Variants in VSTM2B observed in about 807,000 individuals in gnomAD.
VSTM2B encodes V-set and transmembrane domain-containing protein 2B.
A neutral mutation model predicts 24.0 loss-of-function variants in VSTM2B; 24 were observed. The observed-to-expected ratio is 1.00, with a 90% CI of 0.72 to 1.40. VSTM2B has a LOEUF of 1.40. VSTM2B is among the 40% of genes most tolerant of loss of function. The pLI is 0.00. For synonymous variants in VSTM2B, 226 were observed against 194.4 expected (o/e 1.16, Z -1.35); for missense variants, 399 against 416.4 (o/e 0.96, Z 0.36).
rs1049882593 is a variant in VSTM2B at position 29,530,002 on chromosome 19, G to A, written c.481G>A (p.Glu161Lys). 1.2e-5 allele frequency: 19 copies of A among 1,541,070 alleles called. No homozygotes were observed. The highest frequency in any genetic ancestry group is 3.9e-5 in the Admixed American group (2 of 50,930). Reference protein sequence around the residue: ...RFAPPNMQAAEAVSHIQSSGP... With the variant: ...RFAPPNMQAAKAVSHIQSSGP... ...CGCGCCGCCCAACATGCAGGCCGCC[G>A]AGGCCGTGTCCCACATCCAGAGCAG... Residue 161 changes from glutamate to lysine, a missense_variant, in exon 4 of 5, where the codon GAG (glutamate) becomes AAG (lysine). Coordinates refer to ENST00000335523, the MANE Select transcript of VSTM2B (RefSeq NM_001146339.2).
chr19:29,529,025 C>T lies in VSTM2B; in HGVS notation c.297+563C>T, dbSNP rs1027346796. ...GGGTTGCTAACTCTGGGAGGAGATG[C>T]GCCCAAGCTTCCCACCTGGAGCGTA... is the stretch of plus-strand genomic sequence containing the variant. On this transcript the variant is annotated intron_variant, in intron 3 of 4. Coordinates refer to ENST00000335523, the MANE Select transcript of VSTM2B (RefSeq NM_001146339.2). 4.1e-6 allele frequency: 4 copies of T among 985,312 alleles called. No individual in the cohort carries two copies. In the Admixed American group the frequency reaches 2.5e-4, roughly 61 times the overall value. 61.0% of individuals were successfully genotyped at this position (985,312 alleles called of 1,614,324 possible).
chr19:29,540,683 C>T (rs1167220916), intron 4 of VSTM2B, among the ~76,000 whole-genome samples: 1 of 152,170 alleles, frequency 6.6e-6, no homozygotes, highest in Non-Finnish European at 1.5e-5. Flanking sequence ...AGCAAATGTC[C>T]ATGGAGCATT....
intron 4 of VSTM2B, among the ~76,000 whole-genome samples, chr19:29,532,317 T>A (rs542468206): frequency 6.6e-6 from 1 of 152,122 alleles, no homozygotes; most frequent in East Asian, 1.9e-4. Flanking sequence ...TAGTCCTTGG[T>A]GTGGCGGCTG....
intron 4 of VSTM2B, among the ~76,000 whole-genome samples, chr19:29,542,360 TAAG>T (rs1165007139): frequency 1.3e-5 from 2 of 148,464 alleles, no homozygotes; most frequent in Non-Finnish European, 3.0e-5. Context: ...AATGGGTGGG[TAAG>T]AAGAAGGGTG....
At chr19:29,535,130 C>T (rs139729992) in intron 4 of VSTM2B, among the ~76,000 whole-genome samples, 4 of 152,186 alleles carry the variant, frequency 2.6e-5, no homozygotes, top group Admixed American at 6.5e-5. Flanking sequence ...GCAGAGCAGG[C>T]GCAGGAGGCT....
At chr19:29,535,205 C>T (rs991198505) in intron 4 of VSTM2B, among the ~76,000 whole-genome samples, 16 of 152,256 alleles carry the variant, frequency 1.1e-4, no homozygotes, top group African/African-American at 3.4e-4. Context: ...ACCCATTTTT[C>T]GTGAACACTT....
intron 4 of VSTM2B, among the ~76,000 whole-genome samples, chr19:29,553,578 A>G (rs1455687152): frequency 1.3e-5 from 2 of 152,192 alleles, no homozygotes; most frequent in African/African-American, 4.8e-5. Flanking sequence ...TCTCTCCAAC[A>G]AGAGCACAGA....
chr19:29,532,468 GA>G (rs1433082459), intron 4 of VSTM2B, among the ~76,000 whole-genome samples: 2 of 152,200 alleles, frequency 1.3e-5, no homozygotes, highest in Non-Finnish European at 2.9e-5. Flanking sequence ...GCTTGTTGGT[GA>G]AGAGAACATC....
At chr19:29,549,142 A>G (rs908068479) in intron 4 of VSTM2B, among the ~76,000 whole-genome samples, 1 of 152,206 alleles carries the variant, frequency 6.6e-6, no homozygotes, top group African/African-American at 2.4e-5. Flanking sequence ...TACATGCCAG[A>G]TTATAATTTA....
chr19:29,535,244 G>A (rs1474923337), intron 4 of VSTM2B, among the ~76,000 whole-genome samples: 1 of 152,180 alleles, frequency 6.6e-6, no homozygotes, highest in Non-Finnish European at 1.5e-5. Context: ...CTAGAAAAGA[G>A]AGAGAGAGAC....
intron 4 of VSTM2B, among the ~76,000 whole-genome samples, chr19:29,546,367 G>A (rs1970155095): frequency 1.3e-5 from 2 of 152,134 alleles, no homozygotes; most frequent in South Asian, 2.1e-4. Flanking sequence ...TCATTCATAG[G>A]TACCAAGGAG....
At chr19:29,546,364 T>C (rs1035104830) in intron 4 of VSTM2B, among the ~76,000 whole-genome samples, 39 of 152,124 alleles carry the variant, frequency 2.6e-4, no homozygotes, top group Non-Finnish European at 5.1e-4. Flanking sequence ...GACTCATTCA[T>C]AGGTACCAAG....
chr19:29,563,869 G>C lies in VSTM2B; in HGVS notation c.793G>C (p.Asp265His). Residue 265 changes from aspartate to histidine, a missense_variant, in exon 5 of 5, where the codon GAC becomes CAC. Asp to His is a moderately conservative substitution (Grantham distance 81, BLOSUM62 -1). Coordinates refer to ENST00000335523, the MANE Select transcript of VSTM2B (RefSeq NM_001146339.2). The stretch of plus-strand genomic sequence containing the variant: ...AGGCACCGGCCGTAGCTACACCACA[G>C]ACCCACTCTTGTCCCTGCTCCTGTT... ...GSGTGRSYTT[D>H]PLLSLLLLAL... 1 of 1,552,250 alleles carries C rather than the reference G, an allele frequency of 6.4e-7. No homozygotes were observed. Among genetic ancestry groups the C allele is most frequent in the Non-Finnish European group, 8.7e-7 (1 of 1,147,114 alleles).
rs1969845840 is a variant in VSTM2B at position 29,534,703 on chromosome 19, T to C, written c.769+4413T>C. ...TGCACTCCAGCGTGGGCAACAAGAC[T>C]GAAACTCTGTCTCAAAAAAAAAAAA... On this transcript the variant is annotated intron_variant, in intron 4 of 4. Coordinates refer to ENST00000335523, the MANE Select transcript of VSTM2B (RefSeq NM_001146339.2). Among the ~76,000 whole-genome samples the C allele has an allele frequency of 2.2e-5, 3 of 136,392 alleles. No individual in the cohort carries two copies. The South Asian group carries it at 7.6e-4, about 35-fold the overall frequency. 89.5% of individuals were successfully genotyped at this position (136,392 alleles called of 152,430 possible).
At chr19:29,529,139 CT>C (rs1969662541) in intron 3 of VSTM2B, 1 of 985,274 alleles carries the variant, frequency 1.0e-6, no homozygotes. Flanking sequence ...TAGAGCAGTA[CT>C]TCCCGAAGTC....
chr19:29,538,819 T>C (rs1969956372), intron 4 of VSTM2B, among the ~76,000 whole-genome samples: 1 of 152,008 alleles, frequency 6.6e-6, no homozygotes, highest in Non-Finnish European at 1.5e-5. Flanking sequence ...CATTACCTCA[T>C]TACCATGAGG....
chr19:29,553,075 T>C lies in VSTM2B; in HGVS notation c.770-10771T>C, dbSNP rs866684319. 2.6e-5 allele frequency among the ~76,000 whole-genome samples: 4 copies of C among 151,586 alleles called. No individual in the cohort carries two copies. In the South Asian group the frequency reaches 6.3e-4, roughly 24 times the overall value. ...ATCTGGGCAGTCTGGACAAGTGAGA[T>C]CCCCCCCAGCATAGCACACCCCCTC... On this transcript the variant is annotated intron_variant, in intron 4 of 4. Coordinates refer to ENST00000335523, the MANE Select transcript of VSTM2B (RefSeq NM_001146339.2).
At chr19:29,545,966 G>A (rs1970145571) in intron 4 of VSTM2B, among the ~76,000 whole-genome samples, 1 of 152,192 alleles carries the variant, frequency 6.6e-6, no homozygotes, top group Non-Finnish European at 1.5e-5. Context: ...GTGGATGCAG[G>A]GAGGCCAGTC....
rs542942413 is a variant in VSTM2B at position 29,536,987 on chromosome 19, T to C, written c.769+6697T>C. Among the ~76,000 whole-genome samples, 5 of 152,314 alleles carry C rather than the reference T, an allele frequency of 3.3e-5. No individual in the cohort carries two copies. The South Asian group carries it at 6.2e-4, about 19-fold the overall frequency. On this transcript the variant is annotated intron_variant, in intron 4 of 4. Coordinates refer to ENST00000335523, the MANE Select transcript of VSTM2B (RefSeq NM_001146339.2). ...AAGATGCCAGCATGGTTTTAAGACA[T>C]TTTTGCAGCACAGGAGAAAAATAAA...
Sources: allele counts gnomAD v4.1 joint callset (sites outside exome capture counted in the v4.1 genomes callset), GRCh38; gene constraint gnomAD v4.1.1; transcripts MANE v1.5; gene names NCBI Gene and HGNC (gene_info 2026-07-23, HGNC 2026-07-21).